PCNX1: variants seen among roughly 807,000 people sequenced by gnomAD.
The protein encoded by PCNX1 is pecanex 1.
PCNX1 carries 78 observed loss-of-function variants against 242.2 expected under a neutral mutation model. That is an observed-to-expected ratio of 0.32 (90% CI 0.27 to 0.39). The LOEUF is 0.39. PCNX1 is among the 10% of genes least tolerant of loss of function. The pLI, the probability that PCNX1 is intolerant of heterozygous loss-of-function variation, is 1.00. For synonymous variants in PCNX1, 1,024 were observed against 1,032.9 expected, an observed-to-expected ratio of 0.99 and a Z score of 0.17; for missense variants, 2,581 against 2,856.5, an observed-to-expected ratio of 0.90 and a Z score of 2.20.
chr14:71,067,127 A>G (rs1421839478), intron 26 of PCNX1, among the ~76,000 whole-genome samples: 1 of 152,048 alleles, frequency 6.6e-6, no homozygotes, highest in Non-Finnish European at 1.5e-5. Flanking sequence ...CTGGCCTCAT[A>G]AAATGAGTTA....
intron 1 of PCNX1, among the ~76,000 whole-genome samples, chr14:70,912,757 C>T (rs2055980779): frequency 6.6e-6 from 1 of 152,122 alleles, no homozygotes; most frequent in Admixed American, 6.5e-5. Flanking sequence ...ATTAAGCCAC[C>T]AGAGCTTATT....
At chr14:71,076,934 G>A (rs1021335255) in intron 28 of PCNX1, among the ~76,000 whole-genome samples, 2 of 152,148 alleles carry the variant, frequency 1.3e-5, no homozygotes, top group Admixed American at 1.3e-4. Context: ...AATTTTAACT[G>A]ATTTAAATTT....
chr14:70,923,217 A>G (rs975618702), intron 1 of PCNX1, among the ~76,000 whole-genome samples: 3 of 151,982 alleles, frequency 2.0e-5, no homozygotes, highest in Admixed American at 1.3e-4. Context: ...ATTGTGGTTT[A>G]TTAAAGATTT....
chr14:71,085,810 A>G, intron 28 of PCNX1: 1 of 364,446 alleles, frequency 2.7e-6, no homozygotes, highest in Non-Finnish European at 5.6e-6. Flanking sequence ...TAGGAGCCAC[A>G]CAGGTGCCTG....
intron 19 of PCNX1, among the ~76,000 whole-genome samples, chr14:71,040,575 A>G (rs1321505107): frequency 6.6e-6 from 1 of 152,028 alleles, no homozygotes; most frequent in African/African-American, 2.4e-5. Context: ...GGTACATGAG[A>G]TACTTTGATA....
Position 70,977,086 on chromosome 14 carries a change from A to G in PCNX1, c.749A>G (p.His250Arg), listed in dbSNP as rs778753501. 7 of 1,613,934 alleles carry G rather than the reference A, an allele frequency of 4.3e-6. No individual in the cohort carries two copies. The African/African-American group carries it at 8.0e-5, about 18-fold the overall frequency. Reference protein sequence around the residue: ...VNLPSHNHHHHVDQSLSSACD... With the variant: ...VNLPSHNHHHRVDQSLSSACD... The stretch of plus-strand genomic sequence containing the variant: ...CTGCCAAGTCATAACCACCACCACC[A>G]TGTTGATCAGTCTCTGTCCAGCGCC... The change falls in exon 6 of 36, where the codon CAT becomes CGT. Residue 250 changes from histidine to arginine, a missense_variant. This residue lies in a region of PCNX1 where 1,204 missense variants were observed against 1,216.7 expected (regional missense o/e 0.99). Transcript: ENST00000304743.
chr14:71,051,841 T>C (rs903927632), intron 23 of PCNX1, 42 bp from the exon 24 acceptor site: 1 of 1,596,524 alleles, frequency 6.3e-7, no homozygotes, highest in African/African-American at 1.3e-5. Context: ...TTGGCATCTG[T>C]GCTCAGATGA....
rs145462808 is a variant in PCNX1, at chr14:71,105,611, C to T, written c.6301+171C>T. ...TGGCTGGAGTGCAGTGTCACAGTCTCGGCTCACTGCAAGCTCCGCCTCCCG... is the reference window on the plus strand; with the variant it reads ...TGGCTGGAGTGCAGTGTCACAGTCTTGGCTCACTGCAAGCTCCGCCTCCCG... On this transcript the variant is annotated intron_variant, in intron 33 of 35. Coordinates refer to ENST00000304743, the MANE Select transcript of PCNX1 (RefSeq NM_014982.3). Among the ~76,000 whole-genome samples the T allele has an allele frequency of 7.4e-3, 1,115 of 150,690 alleles. 12 individuals carry two copies. The highest frequency in any genetic ancestry group is 0.026 in the African/African-American group (1,051 of 40,932).
intron 8 of PCNX1, among the ~76,000 whole-genome samples, chr14:71,002,081 A>G (rs2059521532): frequency 6.6e-6 from 1 of 152,204 alleles, no homozygotes; most frequent in Non-Finnish European, 1.5e-5. Context: ...AGGTGGACAG[A>G]AGCCCAGCAG....
At chr14:70,973,010 G>A (rs73293828) in intron 5 of PCNX1, among the ~76,000 whole-genome samples, 2 of 152,150 alleles carry the variant, frequency 1.3e-5, no homozygotes, top group African/African-American at 2.4e-5. Context: ...CCAGCACTTC[G>A]AGAGGCCAAG....
rs548993768 is a variant in PCNX1, at chr14:71,015,280, GT to G, written c.2996+2079del. Among the ~76,000 whole-genome samples, 199 of 152,262 alleles carry G rather than the reference GT, an allele frequency of 1.3e-3. 5 individuals carry two copies. In the East Asian group the frequency reaches 0.03, roughly 23 times the overall value. On this transcript the variant is annotated intron_variant, in intron 11 of 35. Coordinates refer to ENST00000304743, the MANE Select transcript of PCNX1 (RefSeq NM_014982.3). ...AAAGGAACAAAGATAAATGGAAATG[GT>G]AAGTCACTATATGGATAAATGTAAA...
chr14:71,037,564 TGG>T (rs2060577574), intron 19 of PCNX1, among the ~76,000 whole-genome samples: 1 of 150,758 alleles, frequency 6.6e-6, no homozygotes, highest in African/African-American at 2.4e-5. Flanking sequence ...TTTTTGTCTT[TGG>T]CTCTGTTTAT....
chr14:71,051,406 TGAA>T (rs1244257050), intron 23 of PCNX1, among the ~76,000 whole-genome samples: 2 of 152,114 alleles, frequency 1.3e-5, no homozygotes, highest in Non-Finnish European at 2.9e-5. Flanking sequence ...TTTTAATAAA[TGAA>T]GGTACAAAAC....
At chr14:71,025,279 G>A (rs2060209609) in intron 13 of PCNX1, among the ~76,000 whole-genome samples, 1 of 152,100 alleles carries the variant, frequency 6.6e-6, no homozygotes, top group Non-Finnish European at 1.5e-5. Flanking sequence ...TTTAGCCATT[G>A]GGAGTCCATC....
rs1186397104 is a variant in PCNX1, at chr14:70,978,261, G to A, written c.1924G>A (p.Ala642Thr). Residue 642 changes from alanine to threonine, a missense_variant, in exon 6 of 36, where the codon GCT becomes ACT. This residue lies in a region of PCNX1 where 1,204 missense variants were observed against 1,216.7 expected (regional missense o/e 0.99). Coordinates refer to ENST00000304743, the MANE Select transcript of PCNX1 (RefSeq NM_014982.3). Reference sequence around the variant, plus strand: ...TCAGTCTCCTGAGGGCAGATACAGTGCTCTAAAGACCAAACACACTCATAA... The same window carrying A: ...TCAGTCTCCTGAGGGCAGATACAGTACTCTAAAGACCAAACACACTCATAA... ...SCQSPEGRYSALKTKHTHKER... is the reference protein window; with the variant it reads ...SCQSPEGRYSTLKTKHTHKER... 1.2e-6 allele frequency: 2 copies of A among 1,614,052 alleles called. No homozygotes were observed. Among genetic ancestry groups the A allele is most frequent in the Non-Finnish European group, 1.7e-6 (2 of 1,180,016 alleles).
At chr14:71,024,490 TG>T (rs1566714387) in intron 13 of PCNX1, among the ~76,000 whole-genome samples, 1 of 152,202 alleles carries the variant, frequency 6.6e-6, no homozygotes, top group Non-Finnish European at 1.5e-5. Context: ...GTTTGTCTGA[TG>T]TTTTTTCTTT....
At chr14:71,062,821 G>T (rs2061359801) in intron 26 of PCNX1, among the ~76,000 whole-genome samples, 1 of 152,124 alleles carries the variant, frequency 6.6e-6, no homozygotes, top group South Asian at 2.1e-4. Context: ...AACTCCATTT[G>T]TGGCAAGTGC....
At chr14:70,955,212 AAGAT>A (rs2140405764) in intron 2 of PCNX1, among the ~76,000 whole-genome samples, 1 of 152,350 alleles carries the variant, frequency 6.6e-6, no homozygotes, top group Admixed American at 6.5e-5. Flanking sequence ...CATTTGAAGA[AAGAT>A]CATGGTTTCT....
At chr14:70,949,240 T>TAC (rs1186033253) in intron 2 of PCNX1, among the ~76,000 whole-genome samples, 6 of 127,404 alleles carry the variant, frequency 4.7e-5, no homozygotes, top group Non-Finnish European at 6.8e-5. Flanking sequence ...TATGTGTATA[T>TAC]ACACACGTGT....
Sources: allele counts gnomAD v4.1 joint callset (sites outside exome capture counted in the v4.1 genomes callset), GRCh38; gene constraint gnomAD v4.1.1; regional missense constraint gnomAD v4.1.1; transcripts MANE v1.5; gene names NCBI Gene and HGNC (gene_info 2026-07-23, HGNC 2026-07-21).